Variants in RALGAPA1 observed in about 807,000 individuals in gnomAD.
RALGAPA1 encodes ral GTPase-activating protein subunit alpha-1.
A neutral mutation model predicts 269.6 loss-of-function variants in RALGAPA1; 52 were observed. The observed-to-expected ratio is 0.19, with a 90% CI of 0.15 to 0.24. The LOEUF (loss-of-function observed/expected upper bound fraction) is 0.24. Among genes scored for constraint, RALGAPA1 ranks in the 10% least tolerant of loss-of-function variants. The pLI is 1.00. For synonymous variants in RALGAPA1, 817 were observed against 1,008.3 expected (o/e 0.81, Z 3.60); for missense variants, 1,917 against 3,013.9 (o/e 0.64, Z 8.52).
intron 36 of RALGAPA1, among the ~76,000 whole-genome samples, chr14:35,597,050 T>C (rs1173314551): frequency 6.6e-6 from 1 of 152,160 alleles, no homozygotes; most frequent in Admixed American, 6.5e-5. Flanking sequence ...GGTACAATCA[T>C]TTAGTCCCCT....
chr14:35,761,639 C>T (rs535967972), intron 5 of RALGAPA1, among the ~76,000 whole-genome samples: 1 of 152,272 alleles, frequency 6.6e-6, no homozygotes, highest in South Asian at 2.1e-4. Flanking sequence ...ACCCTGTACA[C>T]AGAAGACAAT....
chr14:35,600,212 TTTTTTC>T (rs2059194935), intron 36 of RALGAPA1, among the ~76,000 whole-genome samples: 1 of 140,876 alleles, frequency 7.1e-6, no homozygotes, highest in Non-Finnish European at 1.5e-5. Context: ...TCTTTTCCTT[TTTTTTC>T]TTTTTCTTTT....
intron 41 of RALGAPA1, among the ~76,000 whole-genome samples, chr14:35,547,024 C>T (rs966406751): frequency 2.0e-5 from 3 of 151,982 alleles, no homozygotes; most frequent in East Asian, 3.8e-4. Flanking sequence ...TATATAGAAA[C>T]GTATTCAGTA....
At chr14:35,549,679 ATTCTG>A (rs1039161223) in intron 39 of RALGAPA1, among the ~76,000 whole-genome samples, 4 of 152,130 alleles carry the variant, frequency 2.6e-5, no homozygotes, top group African/African-American at 9.7e-5. Flanking sequence ...TACGTCCAAA[ATTCTG>A]TTTTTCATTT....
intron 4 of RALGAPA1, among the ~76,000 whole-genome samples, chr14:35,765,599 C>G (rs1279230446): frequency 6.6e-6 from 1 of 151,928 alleles, no homozygotes; most frequent in Non-Finnish European, 1.5e-5. Flanking sequence ...CTCTTGGTCT[C>G]AAGTTATCCT....
chr14:35,676,851 T>C (rs1262240980), intron 22 of RALGAPA1: 1 of 152,194 alleles, frequency 6.6e-6, no homozygotes, highest in Non-Finnish European at 1.5e-5. Context: ...AATTGATGAA[T>C]TTATATAAAG....
At chr14:35,665,711 G>C (rs749067187) in intron 26 of RALGAPA1, among the ~76,000 whole-genome samples, 1 of 152,004 alleles carries the variant, frequency 6.6e-6, no homozygotes, top group Non-Finnish European at 1.5e-5. Flanking sequence ...CATATCTACC[G>C]TTCCAATTTA....
intron 1 of RALGAPA1, among the ~76,000 whole-genome samples, chr14:35,795,392 A>T (rs1048459213): frequency 4.6e-5 from 7 of 152,136 alleles, no homozygotes; most frequent in Admixed American, 2.0e-4. Context: ...ATGATAGTAT[A>T]CTTATGAGGA....
chr14:35,755,686 C>T (rs934365719), intron 7 of RALGAPA1, among the ~76,000 whole-genome samples: 1 of 152,082 alleles, frequency 6.6e-6, no homozygotes, highest in Non-Finnish European at 1.5e-5. Flanking sequence ...CCTCATACAC[C>T]AAAATGGTAT....
Position 35,625,399 on chromosome 14 carries a change from C to A in RALGAPA1, c.6891G>T (p.Lys2297Asn). The A allele has an allele frequency of 6.2e-7, 1 of 1,611,364 alleles. No homozygotes were observed. Among genetic ancestry groups the A allele is most frequent in the African/African-American group, 1.3e-5 (1 of 74,892 alleles). The change falls in exon 35 of 42, where the codon AAG (lysine) becomes AAT (asparagine). Residue 2297 changes from lysine (K) to asparagine (N), a missense_variant. Lys to Asn is a moderately conservative substitution (Grantham distance 94). Transcript: ENST00000680220. The part of the protein sequence containing the change: ...RSFHLLKKNE[K>N]LLRELRNLDS... ...CCAAGTTCCTAAGTTCTCTAAGTAG[C>A]TTTTCATTTTTCTTCAGGAGATGAA...
At chr14:35,659,832 G>A (rs2063421866) in intron 27 of RALGAPA1, among the ~76,000 whole-genome samples, 4 of 151,806 alleles carry the variant, frequency 2.6e-5, no homozygotes, top group Non-Finnish European at 2.9e-5. Context: ...CATATAGAAA[G>A]CAATAAAACT....
At chr14:35,802,307 C>A (rs2077037100) in intron 1 of RALGAPA1, among the ~76,000 whole-genome samples, 1 of 151,826 alleles carries the variant, frequency 6.6e-6, no homozygotes, top group Non-Finnish European at 1.5e-5. Flanking sequence ...GACTCTGTCT[C>A]AAAAAAATAA....
chr14:35,626,480 T>C (rs1007556908), intron 34 of RALGAPA1, among the ~76,000 whole-genome samples: 3 of 152,232 alleles, frequency 2.0e-5, no homozygotes, highest in Admixed American at 1.3e-4. Flanking sequence ...AATGCCAGTG[T>C]TTTATATACA....
chr14:35,694,139 A>G (rs1228732211), intron 17 of RALGAPA1, among the ~76,000 whole-genome samples: 3 of 152,260 alleles, frequency 2.0e-5, no homozygotes, highest in Admixed American at 6.5e-5. Flanking sequence ...TTAGTTACTC[A>G]CAAACTCTTC....
intron 1 of RALGAPA1, among the ~76,000 whole-genome samples, chr14:35,785,977 C>T (rs1595550526): frequency 6.6e-6 from 1 of 151,536 alleles, no homozygotes. Flanking sequence ...CTCAAGAGTT[C>T]GAAACCATCT....
chr14:35,608,353 G>C (rs911450717), intron 35 of RALGAPA1, among the ~76,000 whole-genome samples: 2 of 152,094 alleles, frequency 1.3e-5, no homozygotes, highest in African/African-American at 4.8e-5. Context: ...CATTAGCCAG[G>C]CTAAAAGAAA....
At chr14:35,704,181 G>A (rs893185773) in intron 16 of RALGAPA1, among the ~76,000 whole-genome samples, 19 of 151,990 alleles carry the variant, frequency 1.3e-4, no homozygotes, top group Admixed American at 1.1e-3. Context: ...AGCAAAATCC[G>A]AAAACAAAAC....
At position 35,678,028 on chromosome 14, in the gene RALGAPA1, T is replaced by C. The variant is rs775984476; in HGVS notation, c.4546A>G (p.Ile1516Val). The change falls in exon 22 of 42, where the codon ATA (isoleucine) becomes GTA (valine). Residue 1516 changes from isoleucine to valine, a missense_variant. This residue lies in a region of RALGAPA1 where 615 missense variants were observed against 790.0 expected (regional missense o/e 0.78). Transcript: ENST00000680220. ...SQTPSPSTLN[I>V]DHMEQKDLQL... Reference sequence around the variant, plus strand: ...AGATCCTTCTGTTCCATGTGATCTATATTCAATGTAGAAGGGGAAGGAGTC... The same window carrying C: ...AGATCCTTCTGTTCCATGTGATCTACATTCAATGTAGAAGGGGAAGGAGTC... 2.5e-6 allele frequency: 4 copies of C among 1,613,208 alleles called. No individual in the cohort carries two copies. Among genetic ancestry groups the C allele is most frequent in the Non-Finnish European group, 3.4e-6 (4 of 1,179,790 alleles).
chr14:35,671,143 T>C (rs1406879877), intron 26 of RALGAPA1, among the ~76,000 whole-genome samples: 3 of 152,208 alleles, frequency 2.0e-5, no homozygotes, highest in Non-Finnish European at 2.9e-5. Context: ...GCTCTTTCTT[T>C]GCTTTCTTCC....
Sources: allele counts gnomAD v4.1 joint callset (sites outside exome capture counted in the v4.1 genomes callset), GRCh38; gene constraint gnomAD v4.1.1; regional missense constraint gnomAD v4.1.1; transcripts MANE v1.5; gene names NCBI Gene and HGNC (gene_info 2026-07-23, HGNC 2026-07-21).